The following DPP6 variants were observed in gnomAD, a reference collection of about 807,000 sequenced individuals.
DPP6 encodes the protein A-type potassium channel modulatory protein DPP6.
DPP6 carries 69 observed loss-of-function variants against 122.6 expected under a neutral mutation model. The observed-to-expected ratio is 0.56, with a 90% CI of 0.46 to 0.69. The LOEUF is 0.69. DPP6 is among the 30% of genes least tolerant of loss of function. The pLI is 0.00. For synonymous variants in DPP6, 418 were observed against 433.1 expected (o/e 0.97, Z 0.43); for missense variants, 928 against 1,116.9 (o/e 0.83, Z 2.41).
chr7:153,816,139 AATT>A, the DPP6 span, among the ~76,000 whole-genome samples: 1 of 152,100 alleles, frequency 6.6e-6, no homozygotes, highest in African/African-American at 2.4e-5. Context: ...GGAGATAAAT[AATT>A]ATTATCTCAA....
At chr7:153,834,893 G>A in the DPP6 span, among the ~76,000 whole-genome samples, 4 of 152,220 alleles carry the variant, frequency 2.6e-5, no homozygotes, top group Admixed American at 2.0e-4. Flanking sequence ...ATTTTCACTC[G>A]GCAATAACTA....
intron 1 of DPP6, among the ~76,000 whole-genome samples, chr7:154,337,355 T>C (rs1809518060): frequency 6.6e-6 from 1 of 152,222 alleles, no homozygotes; most frequent in African/African-American, 2.4e-5. Context: ...AAACATAAAA[T>C]TAACCCAGGT....
the DPP6 span, among the ~76,000 whole-genome samples, chr7:153,810,751 T>C: frequency 3.4e-5 from 5 of 148,220 alleles, no homozygotes; most frequent in African/African-American, 5.0e-5. Context: ...GGCACATGCT[T>C]GATAGTTCTT....
intron 1 of DPP6, among the ~76,000 whole-genome samples, chr7:154,328,832 G>A (rs899670425): frequency 6.6e-6 from 1 of 152,168 alleles, no homozygotes; most frequent in African/African-American, 2.4e-5. Flanking sequence ...CAGACACAGT[G>A]TGGGTGATGC....
chr7:154,728,936 C>CTCCTA (rs972676559), intron 8 of DPP6, among the ~76,000 whole-genome samples: 15 of 152,332 alleles, frequency 9.8e-5, no homozygotes, highest in African/African-American at 3.4e-4. Context: ...AAGGCTCCAC[C>CTCCTA]TCCTAACCCC....
chr7:153,866,404 T>G, the DPP6 span, among the ~76,000 whole-genome samples: 2 of 152,228 alleles, frequency 1.3e-5, no homozygotes, highest in African/African-American at 4.8e-5. Flanking sequence ...TGATGGCCAG[T>G]GATGATGAGC....
At chr7:154,123,295 G>T (rs533216944) in intron 1 of DPP6, among the ~76,000 whole-genome samples, 9 of 152,116 alleles carry the variant, frequency 5.9e-5, no homozygotes, top group South Asian at 4.2e-4. Flanking sequence ...TGAATTTCAG[G>T]GCTTTCTTTG....
At chr7:154,015,956 G>C (rs986475219) in intron 1 of DPP6, among the ~76,000 whole-genome samples, 2 of 152,088 alleles carry the variant, frequency 1.3e-5, no homozygotes, top group Non-Finnish European at 2.9e-5. Flanking sequence ...TGGTGTGCAC[G>C]CCCTGTTCCT....
At chr7:153,848,243 C>T in the DPP6 span, among the ~76,000 whole-genome samples, 1 of 150,570 alleles carries the variant, frequency 6.6e-6, no homozygotes, top group South Asian at 2.1e-4. Flanking sequence ...GGTCGCCCCC[C>T]CACCAATCCC....
chr7:154,297,264 T>C (rs1805605082), intron 1 of DPP6, among the ~76,000 whole-genome samples: 1 of 152,188 alleles, frequency 6.6e-6, no homozygotes, highest in African/African-American at 2.4e-5. Context: ...ACTTTACGGC[T>C]ACATGGCCTT....
chr7:154,102,011 C>G (rs1805767343), intron 1 of DPP6, among the ~76,000 whole-genome samples: 1 of 151,226 alleles, frequency 6.6e-6, no homozygotes, highest in South Asian at 2.1e-4. Flanking sequence ...TCCTTCGTCA[C>G]TCATTCATTC....
chr7:154,366,757 A>G (rs1475022585), intron 1 of DPP6, among the ~76,000 whole-genome samples: 1 of 152,184 alleles, frequency 6.6e-6, no homozygotes, highest in Non-Finnish European at 1.5e-5. Flanking sequence ...AAATGGGATA[A>G]AAAAAATCAG....
At chr7:154,520,778 C>G (rs1478172493) in intron 3 of DPP6, among the ~76,000 whole-genome samples, 1 of 152,186 alleles carries the variant, frequency 6.6e-6, no homozygotes, top group East Asian at 1.9e-4. Context: ...TCACTTGCGT[C>G]TAGTAAGACC....
At position 153,979,958 on chromosome 7, in the gene DPP6, T is replaced by C. The variant is rs369312653; in HGVS notation, c.51+92224T>C. 2.0e-4 allele frequency among the ~76,000 whole-genome samples: 31 copies of C among 152,182 alleles called. 1 individual carries two copies. In the East Asian group the frequency reaches 4.8e-3, roughly 24 times the overall value. On this transcript the variant is annotated intron_variant, in intron 1 of 25. Transcript: ENST00000404039. ...TGTATTCAGTTTGCCAGTATTTTAT[T>C]GAGGATTTTTGCATCAATGTTCATC...
chr7:154,231,511 A>G (rs942149512), intron 1 of DPP6, among the ~76,000 whole-genome samples: 1 of 152,198 alleles, frequency 6.6e-6, no homozygotes, highest in African/African-American at 2.4e-5. Flanking sequence ...TGCTGGGTCT[A>G]ATAGCATAAA....
chr7:154,371,552 A>G (rs1323255333), intron 1 of DPP6, among the ~76,000 whole-genome samples: 2 of 152,052 alleles, frequency 1.3e-5, no homozygotes, highest in Non-Finnish European at 2.9e-5. Context: ...AGTGGTTGAT[A>G]TTTCGTGACT....
At chr7:153,780,188 G>C in the DPP6 span, among the ~76,000 whole-genome samples, 1 of 152,146 alleles carries the variant, frequency 6.6e-6, no homozygotes, top group South Asian at 2.1e-4. Flanking sequence ...AGAGAACAGT[G>C]TCTTGCAAAC....
chr7:154,126,545 T>A (rs1329687089), intron 1 of DPP6, among the ~76,000 whole-genome samples: 1 of 151,242 alleles, frequency 6.6e-6, no homozygotes, highest in African/African-American at 2.4e-5. Flanking sequence ...CAGCTAAACA[T>A]GTCCACAGGA....
the DPP6 span, among the ~76,000 whole-genome samples, chr7:153,796,692 A>T: frequency 6.6e-6 from 1 of 152,140 alleles, no homozygotes; most frequent in African/African-American, 2.4e-5. Context: ...TGGCCTAGAG[A>T]CTGAGTTCAA....
Sources: allele counts gnomAD v4.1 joint callset (sites outside exome capture counted in the v4.1 genomes callset), GRCh38; gene constraint gnomAD v4.1.1; transcripts MANE v1.5; gene names NCBI Gene and HGNC (gene_info 2026-07-23, HGNC 2026-07-21).